C22orf23: variants seen among roughly 807,000 people sequenced by gnomAD.
C22orf23 encodes chromosome 22 open reading frame 23.
A neutral mutation model predicts 29.7 loss-of-function variants in C22orf23; 30 were observed. The ratio of observed to expected loss-of-function variants is 1.01; its 90% CI spans 0.76 to 1.37. The LOEUF (loss-of-function observed/expected upper bound fraction) is 1.37. Among genes scored for constraint, C22orf23 ranks in the 40% most tolerant of loss-of-function variants. The pLI is 0.00. For synonymous variants in C22orf23, 90 were observed against 96.1 expected (o/e 0.94, Z 0.37); for missense variants, 237 against 273.1 (o/e 0.87, Z 0.93).
intron 3 of C22orf23, among the ~76,000 whole-genome samples, chr22:37,947,773 A>G (rs929483505): frequency 6.0e-5 from 9 of 149,944 alleles, no homozygotes; most frequent in East Asian, 2.1e-4. Context: ...CCAAAGTGCT[A>G]GGATTATAGG....
At chr22:37,951,272 T>G in intron 3 of C22orf23, 188 bp downstream of exon 3, 1 of 540,574 alleles carries the variant, frequency 1.8e-6, no homozygotes, top group East Asian at 3.1e-5. Flanking sequence ...CCCGGGCTGG[T>G]CTTGAACTCC....
intron 4 of C22orf23, among the ~76,000 whole-genome samples, chr22:37,947,029 A>G (rs1930739102): frequency 6.6e-6 from 1 of 151,988 alleles, no homozygotes; most frequent in South Asian, 2.1e-4. Context: ...GATAGCCCCT[A>G]TCATCAGGAA....
At chr22:37,945,241 C>T in intron 4 of C22orf23, 68 bp from the exon 5 acceptor site, 1 of 1,555,234 alleles carries the variant, frequency 6.4e-7, no homozygotes. Context: ...TCTGTGTTCC[C>T]AAGTGCACGT....
At chr22:37,950,479 C>A (rs930008911) in intron 3 of C22orf23, among the ~76,000 whole-genome samples, 1 of 152,034 alleles carries the variant, frequency 6.6e-6, no homozygotes, top group African/African-American at 2.4e-5. Flanking sequence ...TCCACTCGGT[C>A]GCCCAGGCTG....
In C22orf23 at chr22:37,944,343, A is replaced by G; in HGVS notation, c.582+74T>C. The G allele has an allele frequency of 7.4e-6, 12 of 1,613,378 alleles. No individual in the cohort carries two copies. In the South Asian group the frequency reaches 1.3e-4, roughly 18 times the overall value. On this transcript the variant is annotated intron_variant, in intron 6 of 6. Transcript: ENST00000403305. ...GAGCCTGACCCCTGAACCCTGCCAC[A>G]GCAGACCCTGTATTTCCATTCGCAC...
In C22orf23 at chr22:37,945,138, T is replaced by C; in HGVS notation, c.385A>G (p.Ile129Val). Residue 129 changes from isoleucine to valine, a missense_variant, in exon 5 of 7, where the codon ATC becomes GTC. Transcript: ENST00000403305. ...LEKEKQRLQN[I>V]FATGKDMEER... is the part of the protein sequence containing the mutation. ...TCCATGTCCTTCCCTGTGGCAAAGA[T>C]ATTTTGGAGTCTTTGTTTCTCCTTC... is the stretch of plus-strand genomic sequence containing the variant. 6.2e-7 allele frequency: 1 copy of C among 1,613,710 alleles called. No individual in the cohort carries two copies. Among genetic ancestry groups the C allele is most frequent in the Non-Finnish European group, 8.5e-7 (1 of 1,179,876 alleles).
At chr22:37,951,389 A>T in intron 3 of C22orf23, 71 bp downstream of exon 3, 1 of 1,350,404 alleles carries the variant, frequency 7.4e-7, no homozygotes, top group South Asian at 1.2e-5. Flanking sequence ...TCTCTCCCTT[A>T]ACATGGAGAA....
At chr22:37,947,517 T>A in intron 3 of C22orf23, 54 bp from the exon 4 acceptor site, 1 of 1,410,990 alleles carries the variant, frequency 7.1e-7, no homozygotes, top group Non-Finnish European at 9.4e-7. Context: ...TTTTTTTTTT[T>A]TTTTTTTTTT....
In C22orf23 at chr22:37,947,466, G is replaced by C. The variant is rs766190277; in HGVS notation, c.167-3C>G. 6.5e-7 allele frequency: 1 copy of C among 1,536,074 alleles called. No individual in the cohort carries two copies. Among genetic ancestry groups the C allele is most frequent in the Middle Eastern group, 1.8e-4 (1 of 5,694 alleles). On this transcript the variant is annotated splice_polypyrimidine_tract_variant and splice_region_variant and intron_variant, in intron 3 of 6. Transcript: ENST00000403305. ...CTGTAGGGGCAAAGCATCTCCTCCT[G>C]GGGAACGAAGAGTTGGGGTGGGAGG...
Position 37,945,088 on chromosome 22 carries a change from A to G in C22orf23, c.435T>C (p.Pro145=), listed in dbSNP as rs375392356. Residue 145 remains proline (P), a synonymous_variant, in exon 5 of 7, where the codon CCT becomes CCC. Transcript: ENST00000403305. The part of the protein sequence containing the change: ...DMEERKRKAP[P]ARQKAPAPEL... The stretch of plus-strand genomic sequence containing the variant: ...CAGGGGCTGGAGCCTTCTGTCGTGC[A>G]GGAGGGGCCTTTCTTTTCCGTTCCT... 6 of 1,613,488 alleles carry G rather than the reference A, an allele frequency of 3.7e-6. No homozygotes were observed. In the African/African-American group the frequency reaches 8.0e-5, roughly 22 times the overall value.
chr22:37,944,683 G>A (rs1930588536), intron 5 of C22orf23, 166 bp from the exon 6 acceptor site: 10 of 612,652 alleles, frequency 1.6e-5, no homozygotes, highest in East Asian at 1.1e-4. Flanking sequence ...GGTGGATCAC[G>A]AGGTCAGGAG....
intron 2 of C22orf23, 107 bp from the exon 3 acceptor site, chr22:37,951,629 A>G: frequency 1.2e-6 from 1 of 835,906 alleles, no homozygotes; most frequent in Non-Finnish European, 1.9e-6. Flanking sequence ...TTCTGCACTG[A>G]GCATGCCTTC....
chr22:37,946,598 G>C (rs1601848277), intron 4 of C22orf23, among the ~76,000 whole-genome samples: 1 of 142,422 alleles, frequency 7.0e-6, no homozygotes, highest in African/African-American at 2.7e-5. Flanking sequence ...AAAAAAAAAA[G>C]GCCGGGAGCG....
intron 2 of C22orf23, 25 bp from the exon 3 acceptor site, chr22:37,951,547 G>A: frequency 6.2e-7 from 1 of 1,610,488 alleles, no homozygotes; most frequent in Non-Finnish European, 8.5e-7. Flanking sequence ...ATTCTATGAG[G>A]CCTCTTGGGC....
At chr22:37,951,586 T>C (rs1315788088) in intron 2 of C22orf23, 64 bp from the exon 3 acceptor site, 1 of 1,385,626 alleles carries the variant, frequency 7.2e-7, no homozygotes, top group East Asian at 2.3e-5. Context: ...CCTGACACCC[T>C]ACTGAAATTT....
intron 4 of C22orf23, among the ~76,000 whole-genome samples, chr22:37,946,780 A>G (rs1407540979): frequency 6.6e-6 from 1 of 150,938 alleles, no homozygotes; most frequent in South Asian, 2.1e-4. Context: ...AGGCTGACAC[A>G]TGAGAATTGC....
intron 3 of C22orf23, among the ~76,000 whole-genome samples, chr22:37,950,743 A>G (rs948225369): frequency 6.6e-6 from 1 of 151,750 alleles, no homozygotes; most frequent in African/African-American, 2.4e-5. Context: ...AGTCTCTACT[A>G]AAAATACAAA....
chr22:37,949,260 A>G (rs569986682), intron 3 of C22orf23, among the ~76,000 whole-genome samples: 79 of 148,966 alleles, frequency 5.3e-4, no homozygotes, highest in Admixed American at 3.8e-3. Context: ...CATAAAGCCC[A>G]GCTTAGAGCA....
At position 37,943,403 on chromosome 22, in the gene C22orf23, C is replaced by T. The variant is rs1930515447; in HGVS notation, c.*772G>A. On this transcript the variant is annotated 3_prime_UTR_variant, in exon 7 of 7. Coordinates refer to ENST00000403305, the MANE Select transcript of C22orf23 (RefSeq NM_032561.5). The stretch of plus-strand genomic sequence containing the variant: ...CACCTTTTCATGTTTCTTTCTGTGG[C>T]CATGGGTATAGTGGAAAGACATAAA... 1 of 152,212 alleles carries T rather than the reference C, an allele frequency of 6.6e-6. No individual in the cohort carries two copies. The highest frequency in any genetic ancestry group is 1.5e-5 in the Non-Finnish European group (1 of 68,066). 9.4% of individuals were successfully genotyped at this position (152,212 alleles called of 1,614,324 possible).
Sources: gnomAD v4.1 joint callset for allele counts (sites outside exome capture counted in the v4.1 genomes callset) on GRCh38, gnomAD v4.1.1 for gene constraint, MANE v1.5 for transcripts, NCBI Gene and HGNC (gene_info 2026-07-23, HGNC 2026-07-21) for gene names.